FXR2: variants seen among roughly 807,000 people sequenced by gnomAD.
The protein encoded by FXR2 is RNA-binding protein FXR2.
In FXR2, 9 loss-of-function variants were observed where a neutral mutation model predicts 87.3. That is an observed-to-expected ratio of 0.10 (90% confidence interval 0.06 to 0.18). FXR2 has a LOEUF of 0.18. Among genes scored for constraint, FXR2 ranks in the 10% least tolerant of loss-of-function variants. FXR2 has a pLI of 1.00. For synonymous variants in FXR2, 331 were observed against 328.3 expected (o/e 1.01, Z -0.09); for missense variants, 661 against 893.6 (o/e 0.74, Z 3.32).
intron 7 of FXR2, among the ~76,000 whole-genome samples, chr17:7,597,422 G>GA (rs1410723986): frequency 6.6e-6 from 1 of 150,572 alleles, no homozygotes; most frequent in East Asian, 2.0e-4. Context: ...GAGGGGAGGG[G>GA]AAGAGATCTA....
At chr17:7,609,985 T>TAC (rs1567753946) in intron 1 of FXR2, among the ~76,000 whole-genome samples, 14 of 106,182 alleles carry the variant, frequency 1.3e-4, no homozygotes, top group Non-Finnish European at 2.5e-4. Flanking sequence ...TATACATATA[T>TAC]ATATACATGT....
intron 1 of FXR2, among the ~76,000 whole-genome samples, chr17:7,612,819 AC>A (rs1174935580): frequency 2.0e-5 from 3 of 151,942 alleles, no homozygotes; most frequent in African/African-American, 7.2e-5. Flanking sequence ...ACACAGTGAA[AC>A]CCCGTCTCTA....
chr17:7,594,821 G>C lies in FXR2; in HGVS notation c.832-64C>G. The C allele has an allele frequency of 1.0e-6, 1 of 982,826 alleles. No homozygotes were observed. 60.9% of individuals were successfully genotyped at this position (982,826 alleles called of 1,614,324 possible). On this transcript the variant is annotated intron_variant, in intron 8 of 16. Coordinates refer to ENST00000250113, the MANE Select transcript of FXR2 (RefSeq NM_004860.4). This position sits in a 1 kb window ranked among gnomAD's most constrained non-coding sequence, Gnocchi z 5.1. ...AGACCAGCTGGATGTGGTGGCTCAC[G>C]CCTGTAATCCCAGCACTTTGGGAGG...
rs113959665 is a variant in FXR2, at chr17:7,591,845, C to A, written c.2007G>T (p.Val669=). 6.3e-7 allele frequency: 1 copy of A among 1,575,202 alleles called. No individual in the cohort carries two copies. The highest frequency in any genetic ancestry group is 8.7e-7 in the Non-Finnish European group (1 of 1,144,632). The stretch of plus-strand genomic sequence containing the variant: ...GTTGGAGGTTTTATGAAACCCCATT[C>A]ACCATACTACCCAACTCCAAGGGGG... ...LSAPLELGSM[V]NGVS The change falls in exon 17 of 17, where the codon GTG becomes GTT. Residue 669 remains valine (V), a synonymous_variant. Transcript: ENST00000250113. The surrounding 1 kb of genome is among the most constrained non-coding windows in gnomAD (Gnocchi z 4.0).
intron 1 of FXR2, among the ~76,000 whole-genome samples, chr17:7,609,467 A>G (rs1431369611): frequency 2.0e-5 from 3 of 152,076 alleles, no homozygotes. Context: ...TTTAATTACT[A>G]CTGGTACTTC....
rs963587976 is a variant in FXR2 at position 7,604,641 on chromosome 17, A to G, written c.229-561T>C. On this transcript the variant is annotated intron_variant, in intron 3 of 16. Coordinates refer to ENST00000250113, the MANE Select transcript of FXR2 (RefSeq NM_004860.4). ...AGGAGGTGGAGGTTGCAGTGAGCTG[A>G]GACCGCGCCACTGCACTCCAGCTTG... is the stretch of plus-strand genomic sequence containing the variant. 2.1e-5 allele frequency among the ~76,000 whole-genome samples: 3 copies of G among 145,980 alleles called. No individual in the cohort carries two copies. In the South Asian group the frequency reaches 7.2e-4, roughly 35 times the overall value.
At chr17:7,609,080 T>C (rs1048217693) in intron 1 of FXR2, among the ~76,000 whole-genome samples, 1 of 152,122 alleles carries the variant, frequency 6.6e-6, no homozygotes, top group Non-Finnish European at 1.5e-5. Context: ...CTGCACTCCA[T>C]AGCTTGGGCA....
At chr17:7,606,073 G>C in intron 2 of FXR2, 24 bp downstream of exon 2, 1 of 1,456,570 alleles carries the variant, frequency 6.9e-7, no homozygotes, top group South Asian at 1.2e-5. Flanking sequence ...TAGTATGCTG[G>C]ATTCTCTATT....
chr17:7,605,556 T>TG (rs1262929756), intron 3 of FXR2, 89 bp downstream of exon 3: 2 of 706,326 alleles, frequency 2.8e-6, no homozygotes, highest in Non-Finnish European at 5.1e-6. Flanking sequence ...ATGGCTTAGT[T>TG]GGGGAGGAAG....
rs548668816 is a variant in FXR2, at chr17:7,595,572, C to T, written c.831+252G>A. Among the ~76,000 whole-genome samples, 4 of 152,128 alleles carry T rather than the reference C, an allele frequency of 2.6e-5. No individual in the cohort carries two copies. The highest frequency in any genetic ancestry group is 9.6e-5 in the African/African-American group (4 of 41,496). ...CCCTCTATCTTCCCATTTCAGCCTC[C>T]CAAGTACCTGCGACTACAGGTACGC... On this transcript the variant is annotated intron_variant, in intron 8 of 16. Transcript: ENST00000250113. This position sits in a 1 kb window ranked among gnomAD's most constrained non-coding sequence, Gnocchi z 4.7.
chr17:7,608,617 A>AG (rs34143205), intron 1 of FXR2, among the ~76,000 whole-genome samples: 5 of 60,494 alleles, frequency 8.3e-5, no homozygotes, highest in East Asian at 5.3e-4. Context: ...ACTCTGCCTC[A>AG]AAAAAAAAAA....
intron 7 of FXR2, 132 bp downstream of exon 7, chr17:7,601,277 G>A: frequency 8.1e-6 from 5 of 620,128 alleles, no homozygotes; most frequent in Non-Finnish European, 3.0e-6. Flanking sequence ...AGATAAAATA[G>A]CTGACCCAGG....
At chr17:7,606,200 C>A (rs1490451671) in intron 1 of FXR2, 51 bp from the exon 2 acceptor site, 13 of 1,166,750 alleles carry the variant, frequency 1.1e-5, no homozygotes, top group Non-Finnish European at 1.2e-6. Flanking sequence ...CCTTTTACTT[C>A]CACCTTAGCC....
chr17:7,606,209 C>A, intron 1 of FXR2, 60 bp from the exon 2 acceptor site: 1 of 1,091,600 alleles, frequency 9.2e-7, no homozygotes, highest in Non-Finnish European at 1.4e-6. Context: ...TCCACCTTAG[C>A]CATCAAGGGA....
intron 1 of FXR2, among the ~76,000 whole-genome samples, chr17:7,609,055 G>A (rs2071827945): frequency 6.6e-6 from 1 of 152,218 alleles, no homozygotes; most frequent in African/African-American, 2.4e-5. Flanking sequence ...GCTGTGATGA[G>A]CTGTGATTGC....
chr17:7,598,692 C>T (rs1202761620), intron 7 of FXR2, among the ~76,000 whole-genome samples: 3 of 151,792 alleles, frequency 2.0e-5, no homozygotes, highest in Admixed American at 6.6e-5. Context: ...AATGAGACTC[C>T]GTCTCAAAAA....
chr17:7,602,409 C>CA (rs888552647), intron 6 of FXR2, among the ~76,000 whole-genome samples: 15 of 151,466 alleles, frequency 9.9e-5, no homozygotes, highest in African/African-American at 3.4e-4. Flanking sequence ...ACTAAAAACA[C>CA]AAAAAAAAAT....
chr17:7,601,015 C>A (rs1159295390), intron 7 of FXR2, among the ~76,000 whole-genome samples: 3 of 151,722 alleles, frequency 2.0e-5, no homozygotes, highest in Admixed American at 2.0e-4. Context: ...CCCCATCTTA[C>A]TAATAATACA....
intron 3 of FXR2, among the ~76,000 whole-genome samples, chr17:7,604,351 G>A (rs1261200506): frequency 6.6e-6 from 1 of 151,998 alleles, no homozygotes; most frequent in Non-Finnish European, 1.5e-5. Flanking sequence ...GATCTCTTGA[G>A]CTCAGGAGTT....
Sources: allele counts gnomAD v4.1 joint callset (sites outside exome capture counted in the v4.1 genomes callset), GRCh38; gene constraint gnomAD v4.1.1; non-coding constraint Gnocchi (gnomAD v3.1); transcripts MANE v1.5; gene names NCBI Gene and HGNC (gene_info 2026-07-23, HGNC 2026-07-21).